MBTPS2: variants seen among roughly 807,000 people sequenced by gnomAD.
The protein encoded by MBTPS2 is membrane-bound transcription factor site-2 protease.
A neutral mutation model predicts 35.4 loss-of-function variants in MBTPS2; 2 were observed. The ratio of observed to expected loss-of-function variants is 0.06; its 90% confidence interval spans 0.02 to 0.18. The LOEUF (loss-of-function observed/expected upper bound fraction) is 0.18, where lower values mean the gene tolerates loss of function less well. MBTPS2 is among the 10% of genes least tolerant of loss of function. The probability of loss-of-function intolerance (pLI) is 1.00; values close to 1 mark genes in which losing one functional copy is unlikely to be tolerated. For missense variants in MBTPS2, 244 were observed against 386.5 expected, an observed-to-expected ratio of 0.63 and a Z score of 3.09; for synonymous variants, 125 against 140.4, an observed-to-expected ratio of 0.89 and a Z score of 0.77.
chrX:21,881,650 T>C (rs754062421), intron 10 of MBTPS2, among the ~76,000 whole-genome samples: 7 of 111,398 alleles, frequency 6.3e-5, no homozygotes, highest in South Asian at 3.8e-4. Flanking sequence ...TTAATCAAGA[T>C]TGTGGCCAGG....
chrX:21,853,009 C>T (rs1336478188), intron 4 of MBTPS2, among the ~76,000 whole-genome samples: 1 of 111,007 alleles, frequency 9.0e-6, no homozygotes, highest in East Asian at 2.8e-4. Flanking sequence ...ATGTTCTTCT[C>T]TGAAAATAGT....
At chrX:21,868,719 C>G in intron 6 of MBTPS2, 134 bp downstream of exon 6, 1 of 523,687 alleles carries the variant, frequency 1.9e-6, no homozygotes, top group Non-Finnish European at 3.4e-6. Flanking sequence ...TTACTGTAGT[C>G]CTCTCAAATC....
intron 5 of MBTPS2, among the ~76,000 whole-genome samples, chrX:21,855,526 G>C (rs1029989636): frequency 1.8e-5 from 2 of 109,630 alleles, no homozygotes; most frequent in Non-Finnish European, 3.8e-5. Flanking sequence ...CTGCCTCCCA[G>C]GTTGAAGCGA....
At chrX:21,868,757 G>T (rs1285594994) in intron 6 of MBTPS2, among the ~76,000 whole-genome samples, 172 bp downstream of exon 6, 1 of 112,431 alleles carries the variant, frequency 8.9e-6, no homozygotes, top group Admixed American at 9.5e-5. Context: ...AAACACATTG[G>T]TTTTTTTAAA....
At chrX:21,865,322 A>T (rs1033150006) in intron 5 of MBTPS2, among the ~76,000 whole-genome samples, 2 of 111,887 alleles carry the variant, frequency 1.8e-5, no homozygotes, top group African/African-American at 6.5e-5. Context: ...GTAAATGAAG[A>T]TGTTTAAATT....
chrX:21,845,707 T>C (rs1178481658), intron 3 of MBTPS2, among the ~76,000 whole-genome samples: 2 of 112,456 alleles, frequency 1.8e-5, no homozygotes, highest in East Asian at 5.5e-4. Context: ...TGATTTAAGA[T>C]CTCTATAATG....
intron 5 of MBTPS2, chrX:21,857,558 G>C: frequency 8.3e-7 from 1 of 1,211,625 alleles, no homozygotes; most frequent in South Asian, 1.8e-5. Context: ...CAACCAACCT[G>C]AAAACCCACA....
At chrX:21,856,591 C>T (rs973883023) in intron 5 of MBTPS2, 15 of 1,210,250 alleles carry the variant, frequency 1.2e-5, no homozygotes, top group South Asian at 1.8e-5. Context: ...GAGGACATTC[C>T]GACGGAAAGC....
At position 21,864,027 on chromosome X, in the gene MBTPS2, G is replaced by A. The variant is rs1555984178; in HGVS notation, c.671-4440G>A. On this transcript the variant is annotated intron_variant, in intron 5 of 10. Coordinates refer to ENST00000379484, the MANE Select transcript of MBTPS2 (RefSeq NM_015884.4). Reference sequence around the variant, plus strand: ...TGTAGCCATCAAAGTGGAAGACAACGTGGGAAACCTGTGTGTTCCTCAAAG... The same window carrying A: ...TGTAGCCATCAAAGTGGAAGACAACATGGGAAACCTGTGTGTTCCTCAAAG... 3.6e-5 allele frequency among the ~76,000 whole-genome samples: 4 copies of A among 112,289 alleles called. No individual in the cohort carries two copies. The South Asian group carries it at 1.5e-3, about 41-fold the overall frequency.
intron 7 of MBTPS2, chrX:21,872,676 G>A (rs1285699037): frequency 9.1e-6 from 1 of 109,646 alleles, no homozygotes; most frequent in Non-Finnish European, 1.9e-5. Context: ...GAGTATTAAT[G>A]TCTGTAAATA....
chrX:21,843,733 A>G (rs1156876619), intron 2 of MBTPS2, among the ~76,000 whole-genome samples: 1 of 112,229 alleles, frequency 8.9e-6, no homozygotes, highest in Admixed American at 9.5e-5. Context: ...AAGTGGAAAG[A>G]AGGATATAAT....
At chrX:21,842,629 T>G (rs1263752788) in intron 1 of MBTPS2, among the ~76,000 whole-genome samples, 1 of 111,625 alleles carries the variant, frequency 9.0e-6, no homozygotes, top group African/African-American at 3.3e-5. Flanking sequence ...ATAGTGTATG[T>G]TGATTACATG....
intron 5 of MBTPS2, among the ~76,000 whole-genome samples, chrX:21,861,845 C>T (rs1333370566): frequency 1.8e-5 from 2 of 112,048 alleles, no homozygotes; most frequent in Non-Finnish European, 3.8e-5. Context: ...CTGGCTATTT[C>T]TGGAATTTAA....
intron 3 of MBTPS2, among the ~76,000 whole-genome samples, chrX:21,850,584 A>G (rs190313978): frequency 2.7e-5 from 3 of 111,434 alleles, no homozygotes; most frequent in African/African-American, 9.8e-5. Flanking sequence ...CAGTATGTAA[A>G]TGGTATTCCT....
At chrX:21,871,518 G>A (rs765952977) in intron 7 of MBTPS2, 1 of 111,199 alleles carries the variant, frequency 9.0e-6, no homozygotes, top group Non-Finnish European at 1.9e-5. Flanking sequence ...TAACCTTTCA[G>A]CCTGCCTTTA....
intron 5 of MBTPS2, chrX:21,857,638 C>T (rs770220466): frequency 8.6e-7 from 1 of 1,159,165 alleles, no homozygotes; most frequent in Non-Finnish European, 1.2e-6. Flanking sequence ...TGGGAATTAT[C>T]TTCCAGGACT....
At chrX:21,848,966 C>T (rs191437056) in intron 3 of MBTPS2, among the ~76,000 whole-genome samples, 6 of 112,051 alleles carry the variant, frequency 5.4e-5, no homozygotes, top group African/African-American at 1.6e-4. Context: ...AGACATAGAG[C>T]GAATAGTAGA....
At position 21,848,095 on chromosome X, in the gene MBTPS2, A is replaced by G. The variant is rs776612348; in HGVS notation, c.438+2711A>G. ...GGTTAAATTATTGGATTGTCATTCA[A>G]TTAGATATTATGCACACATTAAAAA... On this transcript the variant is annotated intron_variant, in intron 3 of 10. Coordinates refer to ENST00000379484, the MANE Select transcript of MBTPS2 (RefSeq NM_015884.4). Among the ~76,000 whole-genome samples, 4 of 112,870 alleles carry G rather than the reference A, an allele frequency of 3.5e-5. No individual in the cohort carries two copies. The South Asian group carries it at 1.1e-3, about 31-fold the overall frequency.
intron 5 of MBTPS2, chrX:21,856,194 G>A: frequency 3.2e-6 from 1 of 310,226 alleles, no homozygotes; most frequent in East Asian, 4.9e-5. Context: ...TGCTTTTGGG[G>A]CCGACAGACG....
Sources: gnomAD v4.1 joint callset for allele counts (sites outside exome capture counted in the v4.1 genomes callset) on GRCh38, gnomAD v4.1.1 for gene constraint, MANE v1.5 for transcripts, NCBI Gene and HGNC (gene_info 2026-07-23, HGNC 2026-07-21) for gene names.